CLSTN2: variants seen among roughly 807,000 people sequenced by gnomAD.
CLSTN2 encodes the protein calsyntenin-2.
A neutral mutation model predicts 101.2 loss-of-function variants in CLSTN2; 48 were observed. The observed-to-expected ratio is 0.47, with a 90% CI of 0.38 to 0.60. CLSTN2 has a LOEUF of 0.60. Ranked by LOEUF, CLSTN2 falls within the 20% of genes least tolerant of loss-of-function variation. The pLI is 0.00. For synonymous variants in CLSTN2, 481 were observed against 463.6 expected, an observed-to-expected ratio of 1.04 and a Z score of -0.48; for missense variants, 1,160 against 1,238.2, an observed-to-expected ratio of 0.94 and a Z score of 0.95.
intron 1 of CLSTN2, among the ~76,000 whole-genome samples, chr3:139,994,205 T>G (rs1936163215): frequency 6.6e-6 from 1 of 152,208 alleles, no homozygotes; most frequent in African/African-American, 2.4e-5. Flanking sequence ...AGTTCAGGTC[T>G]TGGGTTTGGG....
chr3:140,541,659 G>A (rs1015027512), intron 9 of CLSTN2, among the ~76,000 whole-genome samples: 2 of 152,112 alleles, frequency 1.3e-5, no homozygotes, highest in African/African-American at 2.4e-5. Context: ...ATTCCTTGTC[G>A]GCATCACCCC....
At chr3:140,183,520 A>C (rs2010439668) in intron 2 of CLSTN2, among the ~76,000 whole-genome samples, 1 of 152,232 alleles carries the variant, frequency 6.6e-6, no homozygotes, top group Non-Finnish European at 1.5e-5. Context: ...CTACTAAAAC[A>C]AGATGAAAAG....
At position 140,139,832 on chromosome 3, in the gene CLSTN2, G is replaced by A. The variant is rs561918024; in HGVS notation, c.110-36119G>A. ...TTAAGTCAGTGAACTACACTTCTTT[G>A]TCCAGTGATGTGTCCCAAATGATCT... On this transcript the variant is annotated intron_variant, in intron 1 of 16. Coordinates refer to ENST00000458420, the MANE Select transcript of CLSTN2 (RefSeq NM_022131.3). 2.0e-5 allele frequency among the ~76,000 whole-genome samples: 3 copies of A among 152,280 alleles called. No individual in the cohort carries two copies. The East Asian group carries it at 5.8e-4, about 29-fold the overall frequency.
At chr3:139,981,438 T>C (rs1243112004) in intron 1 of CLSTN2, among the ~76,000 whole-genome samples, 2 of 152,230 alleles carry the variant, frequency 1.3e-5, no homozygotes, top group African/African-American at 4.8e-5. Flanking sequence ...ACAGACCTCA[T>C]GTAATTTTTA....
intron 2 of CLSTN2, among the ~76,000 whole-genome samples, chr3:140,345,662 G>A (rs550491597): frequency 2.0e-5 from 3 of 146,498 alleles, no homozygotes; most frequent in South Asian, 4.3e-4. Flanking sequence ...GCAGAAGGCC[G>A]TGCATGTGTG....
At chr3:140,274,973 G>A (rs2086780507) in intron 2 of CLSTN2, among the ~76,000 whole-genome samples, 1 of 152,170 alleles carries the variant, frequency 6.6e-6, no homozygotes, top group Admixed American at 6.5e-5. Context: ...CTCTTCTTTG[G>A]AAGACAGCTT....
rs369421479 is a variant in CLSTN2, at chr3:140,476,650, G to A, written c.1344+9919G>A. 1.2e-3 allele frequency among the ~76,000 whole-genome samples: 169 copies of A among 143,692 alleles called. 1 individual carries two copies. Among genetic ancestry groups the A allele is most frequent in the Middle Eastern group, 0.011 (3 of 282 alleles). 94.3% of individuals were successfully genotyped at this position (143,692 alleles called of 152,430 possible). A position where few individuals can be genotyped will look rare whatever the true frequency, so the allele number is the denominator to read the frequency against. Reference sequence around the variant, plus strand: ...TCAGCTCATCAGGAATCATGTTTTAGCATCTTTTTTTTTTTTTTTTTTTTC... The same window carrying A: ...TCAGCTCATCAGGAATCATGTTTTAACATCTTTTTTTTTTTTTTTTTTTTC... On this transcript the variant is annotated intron_variant, in intron 8 of 16. Coordinates refer to ENST00000458420, the MANE Select transcript of CLSTN2 (RefSeq NM_022131.3).
intron 2 of CLSTN2, among the ~76,000 whole-genome samples, chr3:140,375,078 A>G (rs979278481): frequency 6.6e-6 from 1 of 152,228 alleles, no homozygotes; most frequent in Non-Finnish European, 1.5e-5. Flanking sequence ...TGGATGGACA[A>G]TGCTCTTTGT....
At chr3:140,241,762 G>T (rs2086468800) in intron 2 of CLSTN2, among the ~76,000 whole-genome samples, 1 of 149,624 alleles carries the variant, frequency 6.7e-6, no homozygotes, top group Non-Finnish European at 1.5e-5. Flanking sequence ...TAATCCAGTT[G>T]CTTATGTGCT....
chr3:140,417,440 G>A (rs1176159414), intron 4 of CLSTN2, among the ~76,000 whole-genome samples: 1 of 152,122 alleles, frequency 6.6e-6, no homozygotes, highest in Non-Finnish European at 1.5e-5. Flanking sequence ...AAACTGACTA[G>A]CATATATTGC....
intron 2 of CLSTN2, among the ~76,000 whole-genome samples, chr3:140,339,793 C>T (rs1479879): frequency 0.51 from 77,174 of 152,124 alleles, 20,231 homozygotes; most frequent in African/African-American, 0.57. Context: ...TTATAGTGGC[C>T]GAACTGTGCT....
intron 1 of CLSTN2, among the ~76,000 whole-genome samples, chr3:140,125,633 G>A (rs2009417073): frequency 6.6e-6 from 1 of 152,096 alleles, no homozygotes; most frequent in Non-Finnish European, 1.5e-5. Flanking sequence ...GAGTGAGACA[G>A]CAAATTTACT....
intron 2 of CLSTN2, among the ~76,000 whole-genome samples, chr3:140,367,840 G>GC (rs1170049325): frequency 3.3e-5 from 5 of 152,166 alleles, no homozygotes; most frequent in African/African-American, 1.2e-4. Flanking sequence ...ACATAGGGAT[G>GC]TTTGATTAAA....
chr3:140,206,107 T>C (rs1331918424), intron 2 of CLSTN2, among the ~76,000 whole-genome samples: 2 of 152,308 alleles, frequency 1.3e-5, no homozygotes, highest in East Asian at 3.9e-4. Flanking sequence ...AAGTAACAAA[T>C]TGCTGCCTGT....
chr3:140,239,548 ATCAGCTCCGTAT>A (rs2086442795), intron 2 of CLSTN2, among the ~76,000 whole-genome samples: 1 of 152,212 alleles, frequency 6.6e-6, no homozygotes, highest in Non-Finnish European at 1.5e-5. Flanking sequence ...ATGTTCCCAA[ATCAGCTCCGTAT>A]TCAAAGACTC....
At chr3:140,556,105 G>A (rs1935785575) in intron 10 of CLSTN2, among the ~76,000 whole-genome samples, 1 of 152,152 alleles carries the variant, frequency 6.6e-6, no homozygotes, top group African/African-American at 2.4e-5. Flanking sequence ...ATGAATTTGG[G>A]GAGCAGTTCA....
At chr3:140,044,011 C>T (rs926809050) in intron 1 of CLSTN2, among the ~76,000 whole-genome samples, 4 of 152,158 alleles carry the variant, frequency 2.6e-5, no homozygotes, top group African/African-American at 9.7e-5. Context: ...AATGCAGGAC[C>T]TTTTTTGGTT....
chr3:140,163,634 T>C (rs1206416670), intron 1 of CLSTN2, among the ~76,000 whole-genome samples: 1 of 151,498 alleles, frequency 6.6e-6, no homozygotes, highest in Non-Finnish European at 1.5e-5. Flanking sequence ...ATGTGTGCCA[T>C]TGCATTGACT....
intron 2 of CLSTN2, among the ~76,000 whole-genome samples, chr3:140,377,181 A>G (rs1173287598): frequency 6.6e-6 from 1 of 152,194 alleles, no homozygotes; most frequent in African/African-American, 2.4e-5. Context: ...AGCTCATATC[A>G]TTGCACATTA....
Sources: allele counts gnomAD v4.1 joint callset (sites outside exome capture counted in the v4.1 genomes callset), GRCh38; gene constraint gnomAD v4.1.1; transcripts MANE v1.5; gene names NCBI Gene and HGNC (gene_info 2026-07-23, HGNC 2026-07-21).